The following FKBP6 variants were observed in gnomAD, a reference collection of about 807,000 sequenced individuals.
FKBP6 encodes the protein inactive peptidyl-prolyl cis-trans isomerase FKBP6.
FKBP6 carries 29 observed loss-of-function variants against 41.7 expected under a neutral mutation model. That is an observed-to-expected ratio of 0.70 (90% confidence interval 0.52 to 0.95). FKBP6 has a LOEUF of 0.95. FKBP6 is among the 40% of genes least tolerant of loss of function. FKBP6 has a pLI of 0.00. For synonymous variants in FKBP6, 130 were observed against 165.1 expected (o/e 0.79, Z 1.63); for missense variants, 338 against 408.7 (o/e 0.83, Z 1.49).
Position 73,340,827 on chromosome 7 carries a change from GGAC to G in FKBP6, c.779_781del (p.Gly260_Gln261delinsGlu). The G allele has an allele frequency of 6.8e-6, 11 of 1,613,238 alleles. No individual in the cohort carries two copies. The highest frequency in any genetic ancestry group is 9.3e-6 in the Non-Finnish European group (11 of 1,179,514). On this transcript the variant is annotated inframe_deletion and splice_region_variant, in exon 6 of 9. Transcript: ENST00000252037. ...GAATGCCAAGGCCCTCTTCAGGTGT[GGAC>G]AGGTGAGTTGGAAGCCAGTGACTTG...
chr7:73,334,801 A>G (rs552093294), intron 5 of FKBP6, among the ~76,000 whole-genome samples: 1 of 152,230 alleles, frequency 6.6e-6, no homozygotes, highest in African/African-American at 2.4e-5. Flanking sequence ...AAGTTTGTCA[A>G]TGACCTAAAG....
At position 73,340,984 on chromosome 7, in the gene FKBP6, C is replaced by T. The variant is rs150371591; in HGVS notation, c.783+152C>T. 977 of 688,848 alleles carry T rather than the reference C, an allele frequency of 1.4e-3. 3 individuals carry two copies. In the African/African-American group the frequency reaches 0.017, roughly 12 times the overall value. 42.7% of individuals were successfully genotyped at this position (688,848 alleles called of 1,614,324 possible). A position where few individuals can be genotyped will look rare whatever the true frequency, so the allele number is the denominator to read the frequency against. On this transcript the variant is annotated intron_variant, in intron 6 of 8. Transcript: ENST00000252037. ...TGTTGCCCAGGATGGAGTGCAGTGG[C>T]GCAAATTCGGCTCGCTGCAACCTCC...
At chr7:73,348,828 G>A (rs1805405777) in intron 8 of FKBP6, among the ~76,000 whole-genome samples, 1 of 152,226 alleles carries the variant, frequency 6.6e-6, no homozygotes, top group African/African-American at 2.4e-5. Context: ...AAATGGGCCA[G>A]ACATGGTGGC....
At chr7:73,329,305 A>T (rs1323505709) in intron 2 of FKBP6, 55 bp from the exon 3 acceptor site, 4 of 956,006 alleles carry the variant, frequency 4.2e-6, no homozygotes, top group Non-Finnish European at 6.9e-6. Context: ...ACTCGATATT[A>T]TGGTGGCGTG....
At chr7:73,346,962 G>A (rs1221373857) in intron 8 of FKBP6, among the ~76,000 whole-genome samples, 1 of 152,126 alleles carries the variant, frequency 6.6e-6, no homozygotes, top group Non-Finnish European at 1.5e-5. Flanking sequence ...AGGAGTCCAG[G>A]GCTGGTCCCC....
At chr7:73,356,317 A>G (rs1443806709) in intron 8 of FKBP6, among the ~76,000 whole-genome samples, 3 of 152,184 alleles carry the variant, frequency 2.0e-5, no homozygotes, top group African/African-American at 7.2e-5. Flanking sequence ...AAACATGGTC[A>G]TGGAGCTATC....
intron 5 of FKBP6, among the ~76,000 whole-genome samples, chr7:73,338,658 T>C (rs1805081131): frequency 6.6e-6 from 1 of 152,270 alleles, no homozygotes; most frequent in African/African-American, 2.4e-5. Flanking sequence ...TTTTTAAAGT[T>C]AGGCATCTTA....
At chr7:73,331,632 G>C in intron 4 of FKBP6, 25 bp from the exon 5 acceptor site, 2 of 1,613,722 alleles carry the variant, frequency 1.2e-6, no homozygotes, top group Non-Finnish European at 1.7e-6. Flanking sequence ...TTTCCTTGCT[G>C]AATATTCCTG....
chr7:73,328,871 C>T (rs1490598146), intron 2 of FKBP6, among the ~76,000 whole-genome samples, 179 bp downstream of exon 2: 4 of 152,012 alleles, frequency 2.6e-5, no homozygotes, highest in Non-Finnish European at 5.9e-5. Flanking sequence ...TGCAGTGGTG[C>T]GATCATAGCT....
intron 3 of FKBP6, 98 bp from the exon 4 acceptor site, chr7:73,330,052 G>A (rs1804786680): frequency 1.2e-6 from 1 of 842,024 alleles, no homozygotes; most frequent in African/African-American, 1.7e-5. Flanking sequence ...AGGGAGACAT[G>A]GAGGCCAGAG....
rs1554549533 is a variant in FKBP6, at chr7:73,341,344, C to T, written c.855C>T (p.Phe285=). Residue 285 remains phenylalanine (F), a synonymous_variant, in exon 7 of 9, where the codon TTC becomes TTT. Transcript: ENST00000252037. ...FLVRAQKEQP[F]NHDINNELKK... ...TTCGAGCCCAGAAGGAGCAACCCTT[C>T]AATCATGACATCAATAATGAGCTGA... The T allele has an allele frequency of 2.5e-6, 4 of 1,612,976 alleles. No homozygotes were observed. Among genetic ancestry groups the T allele is most frequent in the Non-Finnish European group, 3.4e-6 (4 of 1,178,904 alleles).
intron 5 of FKBP6, 49 bp from the exon 6 acceptor site, chr7:73,340,589 G>A (rs1475494511): frequency 4.7e-6 from 7 of 1,500,788 alleles, no homozygotes; most frequent in Non-Finnish European, 6.5e-6. Context: ...TTAGGGTTTT[G>A]TACATAAGAC....
chr7:73,355,198 T>G (rs1439102876), intron 8 of FKBP6, among the ~76,000 whole-genome samples: 1 of 152,232 alleles, frequency 6.6e-6, no homozygotes, highest in Non-Finnish European at 1.5e-5. Context: ...AGGAATGGAT[T>G]CAGCTGGAGT....
chr7:73,351,470 G>C (rs1333292730), intron 8 of FKBP6, among the ~76,000 whole-genome samples: 3 of 152,058 alleles, frequency 2.0e-5, no homozygotes, highest in South Asian at 2.1e-4. Context: ...GCCATGCCCT[G>C]TTCCAGGCAA....
intron 5 of FKBP6, among the ~76,000 whole-genome samples, chr7:73,333,124 T>G (rs113707810): frequency 0.97 from 147,154 of 152,164 alleles, 71,182 homozygotes; most frequent in East Asian, 1. Flanking sequence ...ATACAAAAAT[T>G]TGCTGGCATG....
At position 73,328,177 on chromosome 7, in the gene FKBP6, TC is replaced by T. The variant is rs1804691636; in HGVS notation, c.-249del. 1 of 1,540,846 alleles carries T rather than the reference TC, an allele frequency of 6.5e-7. No individual in the cohort carries two copies. Among genetic ancestry groups the T allele is most frequent in the South Asian group, 1.2e-5 (1 of 83,862 alleles). On this transcript the variant is annotated 5_prime_UTR_variant, in exon 1 of 9. It introduces an in-frame stop codon into an upstream open reading frame of the 5' UTR. Coordinates refer to ENST00000252037, the MANE Select transcript of FKBP6 (RefSeq NM_003602.5). ...ACGTGTCCCATCATGTTTCGTGCGC[TC>T]CCATTACGGATCATACCTCGCACCT... is the stretch of plus-strand genomic sequence containing the variant.
chr7:73,339,924 T>G (rs557880747), intron 5 of FKBP6, among the ~76,000 whole-genome samples: 1 of 152,350 alleles, frequency 6.6e-6, no homozygotes, highest in South Asian at 2.1e-4. Flanking sequence ...CCATATGAAT[T>G]ATCTAATCAA....
At chr7:73,336,262 T>G (rs1805001735) in intron 5 of FKBP6, among the ~76,000 whole-genome samples, 1 of 152,162 alleles carries the variant, frequency 6.6e-6, no homozygotes, top group Admixed American at 6.5e-5. Flanking sequence ...TCTTGTCCTT[T>G]CCACCATAAA....
chr7:73,346,439 G>A (rs1467486838), intron 8 of FKBP6, among the ~76,000 whole-genome samples: 2 of 152,236 alleles, frequency 1.3e-5, no homozygotes, highest in Non-Finnish European at 2.9e-5. Context: ...CTGTGAGGGA[G>A]CACCCCTGAT....
Sources: allele counts gnomAD v4.1 joint callset (sites outside exome capture counted in the v4.1 genomes callset), GRCh38; gene constraint gnomAD v4.1.1; transcripts MANE v1.5; gene names NCBI Gene and HGNC (gene_info 2026-07-23, HGNC 2026-07-21).